The following SLC9A7 variants were observed in gnomAD, a reference collection of about 807,000 sequenced individuals.
The protein encoded by SLC9A7 is solute carrier family 9 member A7.
A neutral mutation model predicts 52.6 loss-of-function variants in SLC9A7; 19 were observed. The observed-to-expected ratio is 0.36, with a 90% CI of 0.25 to 0.53. The LOEUF (loss-of-function observed/expected upper bound fraction) is 0.53, where lower values mean the gene tolerates loss of function less well. SLC9A7 is among the 20% of genes least tolerant of loss of function. The pLI, the probability that SLC9A7 is intolerant of heterozygous loss-of-function variation, is 0.91. For synonymous variants in SLC9A7, 226 were observed against 252.1 expected, an observed-to-expected ratio of 0.90 and a Z score of 0.98; for missense variants, 455 against 597.9, an observed-to-expected ratio of 0.76 and a Z score of 2.49.
intron 3 of SLC9A7, among the ~76,000 whole-genome samples, chrX:46,676,787 C>G (rs946222893): frequency 2.7e-5 from 3 of 111,434 alleles, no homozygotes; most frequent in African/African-American, 6.5e-5. Context: ...ATGACCCTGG[C>G]AACCCCAGAG....
intron 1 of SLC9A7, among the ~76,000 whole-genome samples, chrX:46,708,997 T>C (rs1037486796): frequency 4.5e-5 from 5 of 111,164 alleles, no homozygotes; most frequent in African/African-American, 1.6e-4. Flanking sequence ...ATAAGATAAA[T>C]GCGTTAAATA....
chrX:46,669,105 C>A (rs1943975185), intron 5 of SLC9A7, among the ~76,000 whole-genome samples: 2 of 105,212 alleles, frequency 1.9e-5, no homozygotes, highest in Admixed American at 1.0e-4. Context: ...GAGGTAGAGT[C>A]TGCAGTGAGC....
intron 1 of SLC9A7, among the ~76,000 whole-genome samples, chrX:46,752,026 T>G (rs1410321305): frequency 8.9e-6 from 1 of 111,920 alleles, no homozygotes; most frequent in Non-Finnish European, 1.9e-5. Context: ...ATCTTTCATC[T>G]TAATGACAAT....
At chrX:46,678,091 G>A (rs899066204) in intron 3 of SLC9A7, among the ~76,000 whole-genome samples, 3 of 111,838 alleles carry the variant, frequency 2.7e-5, no homozygotes, top group African/African-American at 9.7e-5. Context: ...TGAAGGGTCT[G>A]TAGTAAAGTC....
At chrX:46,624,486 A>C (rs899300319) in intron 14 of SLC9A7, among the ~76,000 whole-genome samples, 4 of 112,628 alleles carry the variant, frequency 3.6e-5, no homozygotes, top group African/African-American at 6.5e-5. Flanking sequence ...AATAGGTTTT[A>C]ATTTTAGAAC....
chrX:46,682,747 C>G (rs1944230299), intron 1 of SLC9A7, among the ~76,000 whole-genome samples: 1 of 110,571 alleles, frequency 9.0e-6, no homozygotes, highest in Admixed American at 9.7e-5. Flanking sequence ...GCTCGGCCAC[C>G]AGGAGGACAA....
chrX:46,678,212 T>C (rs1292863046), intron 3 of SLC9A7, among the ~76,000 whole-genome samples: 1 of 110,579 alleles, frequency 9.0e-6, no homozygotes, highest in Non-Finnish European at 1.9e-5. Context: ...AAGGATGTTG[T>C]TGAGTTTTAT....
In SLC9A7 at chrX:46,738,662, C is replaced by T. The variant is rs765554664; in HGVS notation, c.325+20043G>A. On this transcript the variant is annotated intron_variant, in intron 1 of 16. Coordinates refer to ENST00000616978, the MANE Select transcript of SLC9A7 (RefSeq NM_001257291.2). ...GCACGTGCCTGTAGTCCCAGCTACTCGGGAGGTTGAGAAAGAAGAATCGCT... is the reference window on the plus strand; with the variant it reads ...GCACGTGCCTGTAGTCCCAGCTACTTGGGAGGTTGAGAAAGAAGAATCGCT... Among the ~76,000 whole-genome samples, 4 of 108,395 alleles carry T rather than the reference C, an allele frequency of 3.7e-5. No homozygotes were observed. In the South Asian group the frequency reaches 1.2e-3, roughly 33 times the overall value. 94.1% of individuals were successfully genotyped at this position (108,395 alleles called of 115,157 possible). A position where few individuals can be genotyped will look rare whatever the true frequency, so the allele number is the denominator to read the frequency against.
intron 1 of SLC9A7, among the ~76,000 whole-genome samples, chrX:46,737,339 AT>A (rs976895046): frequency 8.9e-6 from 1 of 111,903 alleles, no homozygotes; most frequent in Middle Eastern, 4.2e-3. Context: ...TGAGCAATTC[AT>A]TACAAATTTC....
rs181334296 is a variant in SLC9A7, at chrX:46,648,595, G to A, written c.1462+91C>T. 7 of 672,120 alleles carry A rather than the reference G, an allele frequency of 1.0e-5. No homozygotes were observed. The Admixed American group carries it at 1.6e-4, about 16-fold the overall frequency. The allele number at this position is 672,120 out of a possible 1,213,427, so 55.4% of individuals were successfully genotyped here. A position where few individuals can be genotyped will look rare whatever the true frequency, so the allele number is the denominator to read the frequency against. ...AAACGGACCAGAAACTTGAATGCTT[G>A]TCTTTTTATGAACCTTATCAATTAC... is the stretch of plus-strand genomic sequence containing the variant. On this transcript the variant is annotated intron_variant, in intron 11 of 16. Transcript: ENST00000616978.
intron 1 of SLC9A7, chrX:46,725,097 TCCTAGTCC>T: frequency 1.8e-6 from 1 of 555,546 alleles, no homozygotes; most frequent in Non-Finnish European, 3.2e-6. Context: ...GATAAATATT[TCCTAGTCC>T]CCTAGTCCCA....
chrX:46,629,233 G>A (rs1275282208), intron 14 of SLC9A7, among the ~76,000 whole-genome samples: 1 of 111,688 alleles, frequency 9.0e-6, no homozygotes, highest in Non-Finnish European at 1.9e-5. Flanking sequence ...AACACCACAT[G>A]TGCGGTGCTC....
intron 1 of SLC9A7, among the ~76,000 whole-genome samples, chrX:46,735,246 A>C (rs1945102294): frequency 9.0e-6 from 1 of 110,891 alleles, no homozygotes; most frequent in African/African-American, 3.3e-5. Flanking sequence ...TTTATTGAGC[A>C]TTTTTTATTA....
intron 16 of SLC9A7, among the ~76,000 whole-genome samples, chrX:46,609,695 G>C (rs1602127574): frequency 9.2e-6 from 1 of 109,090 alleles, no homozygotes; most frequent in East Asian, 2.9e-4. Context: ...GCAAGACTCT[G>C]TCTCAAAAAA....
At chrX:46,719,535 G>C in intron 1 of SLC9A7, among the ~76,000 whole-genome samples, 1 of 111,456 alleles carries the variant, frequency 9.0e-6, no homozygotes, top group Non-Finnish European at 1.9e-5. Context: ...AAATAAAAGA[G>C]CACAACAAAA....
At chrX:46,732,327 G>T (rs1945055370) in intron 1 of SLC9A7, among the ~76,000 whole-genome samples, 2 of 111,158 alleles carry the variant, frequency 1.8e-5, no homozygotes, top group African/African-American at 3.3e-5. Flanking sequence ...TGAGGCGGGA[G>T]GATCACCTGA....
chrX:46,742,215 T>C (rs945529158), intron 1 of SLC9A7, among the ~76,000 whole-genome samples: 3 of 111,451 alleles, frequency 2.7e-5, no homozygotes, highest in African/African-American at 9.8e-5. Flanking sequence ...GCAGGTTTCT[T>C]ATAAAGTTAA....
chrX:46,740,566 C>T (rs908173369), intron 1 of SLC9A7, among the ~76,000 whole-genome samples: 2 of 111,097 alleles, frequency 1.8e-5, no homozygotes, highest in South Asian at 3.7e-4. Context: ...TTCTATATAT[C>T]GACCATATAT....
Position 46,692,741 on chromosome X carries a change from C to T in SLC9A7, c.326-10206G>A, listed in dbSNP as rs114751023. Among the ~76,000 whole-genome samples the T allele has an allele frequency of 8.4e-3, 937 of 111,144 alleles. 10 individuals carry two copies. The highest frequency in any genetic ancestry group is 0.029 in the African/African-American group (897 of 30,643). ...TTCAATGCATGCTCAGAAATGAGAA[C>T]GAATGGTCTCTAAGCTTCTTACCAT... On this transcript the variant is annotated intron_variant, in intron 1 of 16. Coordinates refer to ENST00000616978, the MANE Select transcript of SLC9A7 (RefSeq NM_001257291.2).
Sources: gnomAD v4.1 joint callset for allele counts (sites outside exome capture counted in the v4.1 genomes callset) on GRCh38, gnomAD v4.1.1 for gene constraint, MANE v1.5 for transcripts, NCBI Gene and HGNC (gene_info 2026-07-23, HGNC 2026-07-21) for gene names.